RAB15: variants seen among roughly 807,000 people sequenced by gnomAD.
RAB15 encodes RAB15, member RAS oncogene family, also known as ras-related protein Rab-15.
In RAB15, 13 loss-of-function variants were observed where a neutral mutation model predicts 31.8. The ratio of observed to expected loss-of-function variants is 0.41; its 90% CI spans 0.27 to 0.65. The LOEUF is 0.65. RAB15 is among the 30% of genes least tolerant of loss of function. The probability of loss-of-function intolerance (pLI) is 0.32; values close to 1 mark genes in which losing one functional copy is unlikely to be tolerated. For missense variants in RAB15, 220 were observed against 277.3 expected (o/e 0.79, Z 1.47); for synonymous variants, 100 against 105.6 (o/e 0.95, Z 0.33).
rs1886268072 is a variant in RAB15 at position 64,951,794 on chromosome 14, C to A, written c.186-131G>T. ...TGAAAAACCAGGGATGCTTGGATCC[C>A]CACAGGGATCTGCAGTCAGAGGCCT... On this transcript the variant is annotated intron_variant, in intron 2 of 6. Coordinates refer to ENST00000533601, the MANE Select transcript of RAB15 (RefSeq NM_001308154.2). The surrounding 1 kb of genome is among the most constrained non-coding windows in gnomAD (Gnocchi z 7.2). 2.6e-6 allele frequency: 2 copies of A among 764,550 alleles called. No homozygotes were observed. The highest frequency in any genetic ancestry group is 4.6e-6 in the Non-Finnish European group (2 of 438,382). The allele number at this position is 764,550 out of a possible 1,614,324, so 47.4% of individuals were successfully genotyped here.
At chr14:64,959,567 CTAAA>C (rs934363002) in intron 1 of RAB15, among the ~76,000 whole-genome samples, 4 of 152,012 alleles carry the variant, frequency 2.6e-5, no homozygotes, top group South Asian at 4.2e-4. Flanking sequence ...AAAACAAATT[CTAAA>C]TAAATAAAAA....
rs1886174081 is a variant in RAB15 at position 64,950,234 on chromosome 14, G to T, written c.414+91C>A. Reference sequence around the variant, plus strand: ...GGGACGTGTGGGAGGACCTGCCACTGGGGAACACACCCCTAGGTCCCCACG... The same window carrying T: ...GGGACGTGTGGGAGGACCTGCCACTTGGGAACACACCCCTAGGTCCCCACG... On this transcript the variant is annotated intron_variant, in intron 5 of 6. Transcript: ENST00000533601. The surrounding 1 kb of genome is among the most constrained non-coding windows in gnomAD (Gnocchi z 5.6). 2.8e-6 allele frequency: 3 copies of T among 1,069,190 alleles called. No homozygotes were observed. Among genetic ancestry groups the T allele is most frequent in the African/African-American group, 3.1e-5 (2 of 63,972 alleles). The allele number at this position is 1,069,190 out of a possible 1,614,324, so 66.2% of individuals were successfully genotyped here. A position where few individuals can be genotyped will look rare whatever the true frequency, so the allele number is the denominator to read the frequency against.
chr14:64,948,169 GGACAGGGGCTGCTTGAGAT>G lies in RAB15; in HGVS notation c.*166_*184del, dbSNP rs1420552676. 8 of 591,162 alleles carry G rather than the reference GGACAGGGGCTGCTTGAGAT, an allele frequency of 1.4e-5. No individual in the cohort carries two copies. Among genetic ancestry groups the G allele is most frequent in the Non-Finnish European group, 2.0e-5 (7 of 358,288 alleles). The allele number at this position is 591,162 out of a possible 1,614,324, so 36.6% of individuals were successfully genotyped here. On this transcript the variant is annotated 3_prime_UTR_variant, in exon 7 of 7. Transcript: ENST00000533601. The surrounding 1 kb of genome is among the most constrained non-coding windows in gnomAD (Gnocchi z 7.0). ...GACCACTCCAGGGTGGACGGGCTGGGGACAGGGGCTGCTTGAGATGACAGCAGAGCCGCTCTCAGGGCCA... is the reference window on the plus strand; with the variant it reads ...GACCACTCCAGGGTGGACGGGCTGGGGACAGCAGAGCCGCTCTCAGGGCCA...
rs1886417840 is a variant in RAB15, at chr14:64,954,221, G to A, written c.125-1650C>T. The stretch of plus-strand genomic sequence containing the variant: ...ATGCCTGGCAGCCATTCTTCCATGT[G>A]TGCAGAGAAAGAGTGAAGAGAAGGA... On this transcript the variant is annotated intron_variant, in intron 1 of 6. Coordinates refer to ENST00000533601, the MANE Select transcript of RAB15 (RefSeq NM_001308154.2). This position sits in a 1 kb window ranked among gnomAD's most constrained non-coding sequence, Gnocchi z 4.3. 1 of 985,260 alleles carries A rather than the reference G, an allele frequency of 1.0e-6. No homozygotes were observed. The highest frequency in any genetic ancestry group is 1.2e-6 in the Non-Finnish European group (1 of 829,920). The allele number at this position is 985,260 out of a possible 1,614,324, so 61.0% of individuals were successfully genotyped here. A position where few individuals can be genotyped will look rare whatever the true frequency, so the allele number is the denominator to read the frequency against.
chr14:64,971,055 T>A lies in RAB15; in HGVS notation c.124+898A>T, dbSNP rs1887390041. Among the ~76,000 whole-genome samples the A allele has an allele frequency of 6.6e-6, 1 of 152,200 alleles. No homozygotes were observed. The highest frequency in any genetic ancestry group is 2.1e-4 in the South Asian group (1 of 4,834). On this transcript the variant is annotated intron_variant, in intron 1 of 6. Transcript: ENST00000533601. This position sits in a 1 kb window ranked among gnomAD's most constrained non-coding sequence, Gnocchi z 4.1. ...GGCAATGCAGAGGCTACTCCAGGGC[T>A]GACCCGGGTAGCAGCTGAGGATGAA...
chr14:64,972,164 G>C lies in RAB15; in HGVS notation c.-88C>G. The C allele has an allele frequency of 8.9e-7, 1 of 1,125,124 alleles. No individual in the cohort carries two copies. The highest frequency in any genetic ancestry group is 1.1e-6 in the Non-Finnish European group (1 of 907,770). The allele number at this position is 1,125,124 out of a possible 1,614,324, so 69.7% of individuals were successfully genotyped here. A position where few individuals can be genotyped will look rare whatever the true frequency, so the allele number is the denominator to read the frequency against. On this transcript the variant is annotated 5_prime_UTR_variant, in exon 1 of 7. Coordinates refer to ENST00000533601, the MANE Select transcript of RAB15 (RefSeq NM_001308154.2). The surrounding 1 kb of genome is among the most constrained non-coding windows in gnomAD (Gnocchi z 6.3). ...GCCATCGCGGCCCGCGCCCGCCCGGGGACGCTGCGGGCGGCGAGGAGGACG... is the reference window on the plus strand; with the variant it reads ...GCCATCGCGGCCCGCGCCCGCCCGGCGACGCTGCGGGCGGCGAGGAGGACG...
In RAB15 at chr14:64,954,150, C is replaced by T; in HGVS notation, c.125-1579G>A. 2 of 985,440 alleles carry T rather than the reference C, an allele frequency of 2.0e-6. No individual in the cohort carries two copies. Among genetic ancestry groups the T allele is most frequent in the Non-Finnish European group, 2.4e-6 (2 of 829,934 alleles). 61.0% of individuals were successfully genotyped at this position (985,440 alleles called of 1,614,324 possible). On this transcript the variant is annotated intron_variant, in intron 1 of 6. Transcript: ENST00000533601. The surrounding 1 kb of genome is among the most constrained non-coding windows in gnomAD (Gnocchi z 4.3). The stretch of plus-strand genomic sequence containing the variant: ...TCAGACGTGAATCATTTCTCGCCTG[C>T]CCAAGCTGATTCATATCCATTGAGC...
Position 64,951,612 on chromosome 14 carries a change from C to T in RAB15, c.237G>A (p.Arg79=), listed in dbSNP as rs777403701. 39 of 1,614,078 alleles carry T rather than the reference C, an allele frequency of 2.4e-5. No homozygotes were observed. The East Asian group carries it at 8.7e-4, about 36-fold the overall frequency. Residue 79 remains arginine, a synonymous_variant, in exon 3 of 7, where the codon CGG becomes CGA. Transcript: ENST00000533601. This position sits in a 1 kb window ranked among gnomAD's most constrained non-coding sequence, Gnocchi z 7.2. The stretch of plus-strand genomic sequence containing the variant: ...CAATGTGGTGGCTTACCTGGGCCCG[C>T]CGATAGTACTGCTTTGTGATGGTCT... The part of the protein sequence containing the change: ...RYQTITKQYY[R]RAQGIFLVYD...
intron 1 of RAB15, among the ~76,000 whole-genome samples, chr14:64,966,675 AT>A (rs1257971173): frequency 2.0e-5 from 3 of 152,200 alleles, no homozygotes; most frequent in Non-Finnish European, 4.4e-5. Flanking sequence ...ACCATCTTCA[AT>A]TTACAGATGC....
At chr14:64,964,869 C>A (rs1887049873) in intron 1 of RAB15, among the ~76,000 whole-genome samples, 2 of 152,258 alleles carry the variant, frequency 1.3e-5, no homozygotes, top group Admixed American at 1.3e-4. Context: ...GCCACCGCAC[C>A]CAGCCATAAC....
rs1886456474 is a variant in RAB15, at chr14:64,954,830, T to C, written c.125-2259A>G. 6.6e-6 allele frequency among the ~76,000 whole-genome samples: 1 copy of C among 152,152 alleles called. No individual in the cohort carries two copies. The highest frequency in any genetic ancestry group is 2.4e-5 in the African/African-American group (1 of 41,430). The stretch of plus-strand genomic sequence containing the variant: ...CCCTAACTCTGCTTAGTTTCCTTTT[T>C]GCCTGTGGGTGCCTGAGAAGGACTT... On this transcript the variant is annotated intron_variant, in intron 1 of 6. Transcript: ENST00000533601. The surrounding 1 kb of genome is among the most constrained non-coding windows in gnomAD (Gnocchi z 4.3).
At chr14:64,949,736 A>AAAAG (rs1201474504) in intron 5 of RAB15, among the ~76,000 whole-genome samples, 5 of 145,912 alleles carry the variant, frequency 3.4e-5, no homozygotes, top group Non-Finnish European at 5.9e-5. Flanking sequence ...AAAAAAAAAA[A>AAAAG]AAAGAAAGAA....
At position 64,954,302 on chromosome 14, in the gene RAB15, A is replaced by G. The variant is rs1304706715; in HGVS notation, c.125-1731T>C. 3.0e-6 allele frequency: 3 copies of G among 985,294 alleles called. No individual in the cohort carries two copies. The African/African-American group carries it at 5.2e-5, about 17-fold the overall frequency. 61.0% of individuals were successfully genotyped at this position (985,294 alleles called of 1,614,324 possible). On this transcript the variant is annotated intron_variant, in intron 1 of 6. Coordinates refer to ENST00000533601, the MANE Select transcript of RAB15 (RefSeq NM_001308154.2). This position sits in a 1 kb window ranked among gnomAD's most constrained non-coding sequence, Gnocchi z 4.3. ...GGCCTTGGGAAGCAGGAGTATGCTTATTTCTGCCTGGATCAACGGTTATCA... is the reference window on the plus strand; with the variant it reads ...GGCCTTGGGAAGCAGGAGTATGCTTGTTTCTGCCTGGATCAACGGTTATCA...
Position 64,970,674 on chromosome 14 carries a change from T to G in RAB15, c.124+1279A>C, listed in dbSNP as rs922477846. On this transcript the variant is annotated intron_variant, in intron 1 of 6. Coordinates refer to ENST00000533601, the MANE Select transcript of RAB15 (RefSeq NM_001308154.2). The surrounding 1 kb of genome is among the most constrained non-coding windows in gnomAD (Gnocchi z 4.1). ...TAACAATCGTTATCTCATTTAATCT[T>G]GACAACAACTTGGCAGGTAGGTGCA... 3.9e-5 allele frequency among the ~76,000 whole-genome samples: 6 copies of G among 152,256 alleles called. No individual in the cohort carries two copies. The highest frequency in any genetic ancestry group is 1.4e-4 in the African/African-American group (6 of 41,462).
In RAB15 at chr14:64,948,238, T is replaced by C. The variant is rs1305174352; in HGVS notation, c.*116A>G. ...AGGCAGGGGGAGTAGTGGCTACTGA[T>C]ACTCAATAGGGTCATCACACGAGAG... On this transcript the variant is annotated 3_prime_UTR_variant, in exon 7 of 7. Transcript: ENST00000533601. This position sits in a 1 kb window ranked among gnomAD's most constrained non-coding sequence, Gnocchi z 7.0. 1 of 1,102,372 alleles carries C rather than the reference T, an allele frequency of 9.1e-7. No homozygotes were observed. Among genetic ancestry groups the C allele is most frequent in the Non-Finnish European group, 1.2e-6 (1 of 814,656 alleles). The allele number at this position is 1,102,372 out of a possible 1,614,324, so 68.3% of individuals were successfully genotyped here.
At chr14:64,967,202 G>A (rs911694240) in intron 1 of RAB15, among the ~76,000 whole-genome samples, 1 of 152,188 alleles carries the variant, frequency 6.6e-6, no homozygotes, top group Non-Finnish European at 1.5e-5. Flanking sequence ...TCCTCACCCA[G>A]AAGGAGTGTA....
At position 64,954,621 on chromosome 14, in the gene RAB15, C is replaced by T; in HGVS notation, c.125-2050G>A. On this transcript the variant is annotated intron_variant, in intron 1 of 6. Coordinates refer to ENST00000533601, the MANE Select transcript of RAB15 (RefSeq NM_001308154.2). This position sits in a 1 kb window ranked among gnomAD's most constrained non-coding sequence, Gnocchi z 4.3. ...GACAGAGCAGTGAAAAAGACATGGC[C>T]CCTGCCCTCAGAGAGCCTAGTGGAA... 1.3e-5 allele frequency: 10 copies of T among 755,788 alleles called. No individual in the cohort carries two copies. The highest frequency in any genetic ancestry group is 1.9e-5 in the African/African-American group (1 of 52,608). 46.8% of individuals were successfully genotyped at this position (755,788 alleles called of 1,614,324 possible).
Position 64,952,631 on chromosome 14 carries a change from A to G in RAB15, c.125-60T>C. 2 of 1,242,830 alleles carry G rather than the reference A, an allele frequency of 1.6e-6. No individual in the cohort carries two copies. The highest frequency in any genetic ancestry group is 2.3e-6 in the Non-Finnish European group (2 of 856,138). The allele number at this position is 1,242,830 out of a possible 1,614,324, so 77.0% of individuals were successfully genotyped here. A position where few individuals can be genotyped will look rare whatever the true frequency, so the allele number is the denominator to read the frequency against. ...CGTACCCACGAGAAATGAACAGGAA[A>G]GGGCCAGGCAATCACACTTGAAAGG... On this transcript the variant is annotated intron_variant, in intron 1 of 6. Coordinates refer to ENST00000533601, the MANE Select transcript of RAB15 (RefSeq NM_001308154.2). This position sits in a 1 kb window ranked among gnomAD's most constrained non-coding sequence, Gnocchi z 4.2.
At position 64,968,317 on chromosome 14, in the gene RAB15, C is replaced by T. The variant is rs1358305867; in HGVS notation, c.124+3636G>A. Among the ~76,000 whole-genome samples, 2 of 152,170 alleles carry T rather than the reference C, an allele frequency of 1.3e-5. No individual in the cohort carries two copies. The highest frequency in any genetic ancestry group is 4.8e-5 in the African/African-American group (2 of 41,436). The stretch of plus-strand genomic sequence containing the variant: ...CTGCTCATGTTACTCCATCTGCTCC[C>T]TTCTGCTGCAGGAACTGACGAGCAG... On this transcript the variant is annotated intron_variant, in intron 1 of 6. Transcript: ENST00000533601. The surrounding 1 kb of genome is among the most constrained non-coding windows in gnomAD (Gnocchi z 4.9).
Sources: allele counts gnomAD v4.1 joint callset (sites outside exome capture counted in the v4.1 genomes callset), GRCh38; gene constraint gnomAD v4.1.1; non-coding constraint Gnocchi (gnomAD v3.1); transcripts MANE v1.5; gene names NCBI Gene and HGNC (gene_info 2026-07-23, HGNC 2026-07-21).